Variants in TAFA1 observed in about 807,000 individuals in gnomAD.
TAFA1 encodes the protein TAFA chemokine like family member 1, also known as chemokine-like protein TAFA-1.
Under a neutral mutation model 18.5 loss-of-function variants are expected in TAFA1, and 4 were observed. The ratio of observed to expected loss-of-function variants is 0.22; its 90% confidence interval spans 0.11 to 0.49. The LOEUF is 0.49. Among genes scored for constraint, TAFA1 ranks in the 20% least tolerant of loss-of-function variants. The probability of loss-of-function intolerance (pLI) is 0.98; values close to 1 mark genes in which losing one functional copy is unlikely to be tolerated. For synonymous variants in TAFA1, 56 were observed against 55.2 expected (o/e 1.01, Z -0.06); for missense variants, 147 against 169.0 (o/e 0.87, Z 0.72).
At chr3:68,086,232 T>G (rs1368628678) in intron 2 of TAFA1, among the ~76,000 whole-genome samples, 1 of 152,202 alleles carries the variant, frequency 6.6e-6, no homozygotes, top group African/African-American at 2.4e-5. Flanking sequence ...ACTTCCAGCA[T>G]ATTTTCCAAG....
Position 68,396,663 on chromosome 3 carries a change from C to T in TAFA1, c.119-20617C>T, listed in dbSNP as rs116908618. Among the ~76,000 whole-genome samples the T allele has an allele frequency of 3.8e-3, 581 of 152,216 alleles. 8 individuals carry two copies. The highest frequency in any genetic ancestry group is 0.029 in the East Asian group (150 of 5,168). On this transcript the variant is annotated intron_variant, in intron 2 of 4. Coordinates refer to ENST00000478136, the MANE Select transcript of TAFA1 (RefSeq NM_213609.4). ...TTTGGGACTATAATCAACAAAACTGCCATAGACATTTCTGCATACTTCTTC... is the reference window on the plus strand; with the variant it reads ...TTTGGGACTATAATCAACAAAACTGTCATAGACATTTCTGCATACTTCTTC...
At chr3:68,047,554 G>A (rs981384855) in intron 2 of TAFA1, among the ~76,000 whole-genome samples, 1 of 152,082 alleles carries the variant, frequency 6.6e-6, no homozygotes, top group African/African-American at 2.4e-5. Context: ...TAATTTCACT[G>A]GATCCAGCTG....
intron 2 of TAFA1, among the ~76,000 whole-genome samples, chr3:68,153,793 G>C (rs1258237294): frequency 6.6e-6 from 1 of 152,068 alleles, no homozygotes; most frequent in East Asian, 1.9e-4. Flanking sequence ...ACAATCCATG[G>C]TAAGAAATAC....
chr3:68,238,466 A>G (rs1043299791), intron 2 of TAFA1, among the ~76,000 whole-genome samples: 1 of 152,212 alleles, frequency 6.6e-6, no homozygotes, highest in Non-Finnish European at 1.5e-5. Context: ...GGTTTCCTTC[A>G]GCTAAATTGT....
intron 2 of TAFA1, among the ~76,000 whole-genome samples, chr3:68,263,019 G>A (rs1471928121): frequency 6.6e-6 from 1 of 152,286 alleles, no homozygotes; most frequent in South Asian, 2.1e-4. Flanking sequence ...AGTCACCCCT[G>A]ATAGAACACA....
chr3:68,424,059 T>TAAAAC (rs2071009608), intron 3 of TAFA1, among the ~76,000 whole-genome samples: 1 of 151,958 alleles, frequency 6.6e-6, no homozygotes, highest in Non-Finnish European at 1.5e-5. Context: ...AACCCAAGTT[T>TAAAAC]AAAACAAAAC....
chr3:68,514,645 G>C (rs1485242638), intron 3 of TAFA1, among the ~76,000 whole-genome samples: 1 of 151,292 alleles, frequency 6.6e-6, no homozygotes, highest in Non-Finnish European at 1.5e-5. Context: ...TCTCAAACAA[G>C]CTGTGCCTCA....
At position 68,455,034 on chromosome 3, in the gene TAFA1, T is replaced by A. The variant is rs1342772634; in HGVS notation, c.259+37614T>A. On this transcript the variant is annotated intron_variant, in intron 3 of 4. Transcript: ENST00000478136. ...TTGATAACATAAAACATCGATAACA[T>A]GTATTTTGCATATTATATGTATATT... Among the ~76,000 whole-genome samples, 7 of 152,294 alleles carry A rather than the reference T, an allele frequency of 4.6e-5. No homozygotes were observed. In the East Asian group the frequency reaches 1.4e-3, roughly 29 times the overall value.
intron 2 of TAFA1, among the ~76,000 whole-genome samples, chr3:68,281,280 C>T (rs80301312): frequency 1.2e-3 from 190 of 152,030 alleles, no homozygotes; most frequent in Non-Finnish European, 2.4e-3. Context: ...CATTACAAAA[C>T]GACTTAAAAT....
chr3:68,431,533 G>GGAAACT (rs1347168632), intron 3 of TAFA1, among the ~76,000 whole-genome samples: 11 of 152,094 alleles, frequency 7.2e-5, no homozygotes, highest in Admixed American at 7.2e-4. Flanking sequence ...AAGATGATAA[G>GGAAACT]GGGCTTGCCC....
chr3:68,479,883 CACACACACACACAA>C (rs925825801), intron 3 of TAFA1, among the ~76,000 whole-genome samples: 1 of 150,136 alleles, frequency 6.7e-6, no homozygotes, highest in Non-Finnish European at 1.5e-5. Flanking sequence ...CACGCATACA[CACACACACACACAA>C]ACACACACAT....
At chr3:68,071,334 G>C (rs984605434) in intron 2 of TAFA1, among the ~76,000 whole-genome samples, 3 of 152,166 alleles carry the variant, frequency 2.0e-5, no homozygotes, top group African/African-American at 7.2e-5. Flanking sequence ...ACTATCATGA[G>C]AACAGTCTGG....
At chr3:68,425,509 A>G (rs928220150) in intron 3 of TAFA1, among the ~76,000 whole-genome samples, 1 of 151,896 alleles carries the variant, frequency 6.6e-6, no homozygotes, top group Admixed American at 6.6e-5. Flanking sequence ...TGCTTTCTGA[A>G]TCTTATGCAA....
At chr3:68,104,632 C>T (rs1453160487) in intron 2 of TAFA1, among the ~76,000 whole-genome samples, 1 of 152,072 alleles carries the variant, frequency 6.6e-6, no homozygotes, top group East Asian at 1.9e-4. Flanking sequence ...GAAGCCAACT[C>T]TGGCCCAGAG....
intron 2 of TAFA1, among the ~76,000 whole-genome samples, chr3:68,350,211 GCTGTGCATATAATCC>G (rs2069241293): frequency 6.6e-6 from 1 of 152,106 alleles, no homozygotes; most frequent in South Asian, 2.1e-4. Context: ...GCTTTAAGAG[GCTGTGCATATAATCC>G]CTGCTCTAGA....
At chr3:68,422,376 T>C (rs965304955) in intron 3 of TAFA1, among the ~76,000 whole-genome samples, 2 of 152,104 alleles carry the variant, frequency 1.3e-5, no homozygotes, top group Admixed American at 6.6e-5. Context: ...CAGCAGTTGA[T>C]AGTTTATACA....
At chr3:68,126,248 A>G (rs1024829015) in intron 2 of TAFA1, among the ~76,000 whole-genome samples, 1 of 152,192 alleles carries the variant, frequency 6.6e-6, no homozygotes, top group Non-Finnish European at 1.5e-5. Flanking sequence ...CTACCACAGC[A>G]TCTGGCCACC....
chr3:68,254,825 G>A (rs956578435), intron 2 of TAFA1, among the ~76,000 whole-genome samples: 4 of 152,052 alleles, frequency 2.6e-5, no homozygotes, highest in African/African-American at 7.2e-5. Flanking sequence ...TAATGAGATT[G>A]TTTGATTGGT....
At chr3:68,225,092 A>G (rs2066780980) in intron 2 of TAFA1, among the ~76,000 whole-genome samples, 1 of 151,472 alleles carries the variant, frequency 6.6e-6, no homozygotes, top group South Asian at 2.1e-4. Context: ...TATTTTTAGT[A>G]GAGACGGGGA....
Sources: gnomAD v4.1 joint callset for allele counts (sites outside exome capture counted in the v4.1 genomes callset) on GRCh38, gnomAD v4.1.1 for gene constraint, MANE v1.5 for transcripts, NCBI Gene and HGNC (gene_info 2026-07-23, HGNC 2026-07-21) for gene names.